Variants in CDH12 observed in about 807,000 individuals in gnomAD.
The protein encoded by CDH12 is cadherin-12.
A neutral mutation model predicts 74.1 loss-of-function variants in CDH12; 41 were observed. The observed-to-expected ratio is 0.55, with a 90% CI of 0.43 to 0.72. The LOEUF (loss-of-function observed/expected upper bound fraction) is 0.72, where lower values mean the gene tolerates loss of function less well. Ranked by LOEUF, CDH12 falls within the 30% of genes least tolerant of loss-of-function variation. The pLI is 0.00. For synonymous variants in CDH12, 399 were observed against 355.0 expected, an observed-to-expected ratio of 1.12 and a Z score of -1.39; for missense variants, 945 against 977.2, an observed-to-expected ratio of 0.97 and a Z score of 0.44.
At chr5:22,226,171 C>T (rs1456100233) in intron 3 of CDH12, among the ~76,000 whole-genome samples, 2 of 151,704 alleles carry the variant, frequency 1.3e-5, no homozygotes, top group Admixed American at 6.6e-5. Flanking sequence ...TCTGCAAGGG[C>T]GGACCTCTCT....
chr5:22,445,680 G>A (rs1744789796), intron 2 of CDH12, among the ~76,000 whole-genome samples: 1 of 152,076 alleles, frequency 6.6e-6, no homozygotes, highest in South Asian at 2.1e-4. Flanking sequence ...GACTAAAGCT[G>A]GAGGAGAGAG....
At chr5:22,763,051 C>T (rs1746308669) in intron 1 of CDH12, among the ~76,000 whole-genome samples, 1 of 151,766 alleles carries the variant, frequency 6.6e-6, no homozygotes, top group African/African-American at 2.4e-5. Context: ...TGATGTTCTG[C>T]CTTGATGCCA....
intron 1 of CDH12, among the ~76,000 whole-genome samples, chr5:22,732,200 T>C (rs1292383234): frequency 1.3e-5 from 2 of 151,812 alleles, no homozygotes; most frequent in African/African-American, 4.8e-5. Flanking sequence ...TCTTGGCTTA[T>C]AGCTGCCAGT....
intron 1 of CDH12, among the ~76,000 whole-genome samples, chr5:22,541,463 T>G (rs1738097841): frequency 6.6e-6 from 1 of 152,208 alleles, no homozygotes; most frequent in Non-Finnish European, 1.5e-5. Flanking sequence ...ATGTCCCAAA[T>G]GTCCTGAAAG....
At chr5:22,584,583 T>G (rs545626623) in intron 1 of CDH12, among the ~76,000 whole-genome samples, 1 of 152,336 alleles carries the variant, frequency 6.6e-6, no homozygotes, top group South Asian at 2.1e-4. Context: ...CAATTGATAT[T>G]TCTGTGCATA....
chr5:22,654,471 G>A (rs1197415087), intron 1 of CDH12, among the ~76,000 whole-genome samples: 1 of 151,686 alleles, frequency 6.6e-6, no homozygotes, highest in Non-Finnish European at 1.5e-5. Flanking sequence ...GGTATTTTTA[G>A]TAGAGACAGG....
chr5:22,008,431 G>C (rs1737092719), intron 5 of CDH12, among the ~76,000 whole-genome samples: 1 of 151,946 alleles, frequency 6.6e-6, no homozygotes, highest in African/African-American at 2.4e-5. Flanking sequence ...GTTTCACCTT[G>C]TTGGCCAGGC....
intron 1 of CDH12, among the ~76,000 whole-genome samples, chr5:22,695,200 T>C (rs1008911123): frequency 5.9e-5 from 9 of 152,164 alleles, no homozygotes; most frequent in African/African-American, 1.4e-4. Context: ...TAGTATCCCA[T>C]GGTGTATATG....
chr5:22,764,212 C>G (rs990012976), intron 1 of CDH12, among the ~76,000 whole-genome samples: 1 of 151,504 alleles, frequency 6.6e-6, no homozygotes, highest in South Asian at 2.1e-4. Context: ...TATTCAATAC[C>G]CAATGCATTT....
At chr5:22,070,798 T>C (rs373158551) in intron 5 of CDH12, among the ~76,000 whole-genome samples, 5 of 152,308 alleles carry the variant, frequency 3.3e-5, no homozygotes. Flanking sequence ...TGGGCAGCCA[T>C]AAAAAGAAAC....
At chr5:22,166,095 G>A (rs911884008) in intron 4 of CDH12, among the ~76,000 whole-genome samples, 19 of 152,024 alleles carry the variant, frequency 1.2e-4, no homozygotes, top group African/African-American at 4.6e-4. Flanking sequence ...TTTTTTGTGT[G>A]AAATCCAAGA....
intron 1 of CDH12, among the ~76,000 whole-genome samples, chr5:22,680,105 G>A (rs1236336872): frequency 6.6e-6 from 1 of 152,056 alleles, no homozygotes; most frequent in African/African-American, 2.4e-5. Flanking sequence ...CAACCTAGGG[G>A]GAAGGGAGAA....
intron 1 of CDH12, among the ~76,000 whole-genome samples, chr5:22,809,825 T>C (rs1330782763): frequency 6.6e-6 from 1 of 152,024 alleles, no homozygotes; most frequent in African/African-American, 2.4e-5. Flanking sequence ...GAGGAGAAAA[T>C]ATTTCTGTGA....
At chr5:22,731,957 C>A (rs541652087) in intron 1 of CDH12, among the ~76,000 whole-genome samples, 1 of 151,826 alleles carries the variant, frequency 6.6e-6, no homozygotes, top group African/African-American at 2.4e-5. Context: ...TACATAGCAA[C>A]AATAATGAAG....
At chr5:22,797,113 C>T (rs572328456) in intron 1 of CDH12, among the ~76,000 whole-genome samples, 8 of 141,676 alleles carry the variant, frequency 5.6e-5, no homozygotes, top group Non-Finnish European at 7.6e-5. Context: ...CTTTAGTATT[C>T]GGAGGGGGGC....
chr5:22,706,566 G>A (rs1743019295), intron 1 of CDH12, among the ~76,000 whole-genome samples: 1 of 151,362 alleles, frequency 6.6e-6, no homozygotes, highest in South Asian at 2.1e-4. Context: ...AAATTCTCCT[G>A]GGCATTTGAA....
chr5:22,113,051 T>C (rs1004744123), intron 4 of CDH12, among the ~76,000 whole-genome samples: 4 of 152,184 alleles, frequency 2.6e-5, no homozygotes, highest in African/African-American at 9.6e-5. Flanking sequence ...TCCAGGTTCC[T>C]ATCAAAGGGG....
At chr5:22,691,381 C>G (rs1202719797) in intron 1 of CDH12, among the ~76,000 whole-genome samples, 1 of 152,128 alleles carries the variant, frequency 6.6e-6, no homozygotes, top group African/African-American at 2.4e-5. Flanking sequence ...AGAAGTTGCT[C>G]CGCAGCTGGA....
chr5:21,794,843 TG>T (rs1042221336), intron 10 of CDH12, among the ~76,000 whole-genome samples: 3 of 151,114 alleles, frequency 2.0e-5, no homozygotes, highest in African/African-American at 4.9e-5. Flanking sequence ...AACTTTAAAA[TG>T]TTTTTTTTTA....
Sources: gnomAD v4.1 joint callset for allele counts (sites outside exome capture counted in the v4.1 genomes callset) on GRCh38, gnomAD v4.1.1 for gene constraint, MANE v1.5 for transcripts, NCBI Gene and HGNC (gene_info 2026-07-23, HGNC 2026-07-21) for gene names.